The following GLRA3 variants were observed in gnomAD, a reference collection of about 807,000 sequenced individuals.
GLRA3 encodes the protein glycine receptor alpha 3.
GLRA3 carries 44 observed loss-of-function variants against 60.4 expected under a neutral mutation model. That is an observed-to-expected ratio of 0.73 (90% confidence interval 0.57 to 0.94). GLRA3 has a LOEUF of 0.94. GLRA3 is among the 40% of genes least tolerant of loss of function. The pLI is 0.00. For missense variants in GLRA3, 508 were observed against 564.6 expected, an observed-to-expected ratio of 0.90 and a Z score of 1.02; for synonymous variants, 223 against 192.9, an observed-to-expected ratio of 1.16 and a Z score of -1.29.
At chr4:174,810,259 G>A (rs1337421823) in intron 1 of GLRA3, among the ~76,000 whole-genome samples, 2 of 152,090 alleles carry the variant, frequency 1.3e-5, no homozygotes, top group Non-Finnish European at 1.5e-5. Context: ...GGAAACAAAA[G>A]ATGCTGGACT....
chr4:174,709,989 A>G (rs1735654367), intron 5 of GLRA3, among the ~76,000 whole-genome samples: 1 of 150,146 alleles, frequency 6.7e-6, no homozygotes, highest in South Asian at 2.1e-4. Flanking sequence ...TTTACCTTTA[A>G]TGAGTCTACC....
At chr4:174,757,898 G>T (rs1297793364) in intron 3 of GLRA3, among the ~76,000 whole-genome samples, 1 of 152,124 alleles carries the variant, frequency 6.6e-6, no homozygotes, top group East Asian at 1.9e-4. Flanking sequence ...GGAGATGTTT[G>T]GGTCACGGGG....
chr4:174,743,665 G>A (rs1737114666), intron 3 of GLRA3, among the ~76,000 whole-genome samples: 2 of 152,028 alleles, frequency 1.3e-5, no homozygotes, highest in Admixed American at 1.3e-4. Context: ...GATGATTCAT[G>A]GTAAAGATAT....
intron 9 of GLRA3, among the ~76,000 whole-genome samples, chr4:174,647,998 ATT>A: frequency 6.6e-6 from 1 of 152,278 alleles, no homozygotes; most frequent in Non-Finnish European, 1.5e-5. Context: ...TACATCTTTA[ATT>A]TAATTGACTA....
intron 5 of GLRA3, among the ~76,000 whole-genome samples, chr4:174,708,116 C>T (rs1307299728): frequency 6.6e-6 from 1 of 152,126 alleles, no homozygotes; most frequent in African/African-American, 2.4e-5. Context: ...ATCTGTATTT[C>T]TCACTAGGCA....
intron 3 of GLRA3, among the ~76,000 whole-genome samples, chr4:174,739,076 G>C (rs1283232765): frequency 6.6e-6 from 1 of 152,162 alleles, no homozygotes; most frequent in African/African-American, 2.4e-5. Context: ...TGTTTGTTTT[G>C]TATAAACCAC....
At chr4:174,820,472 C>T (rs1460036957) in intron 1 of GLRA3, among the ~76,000 whole-genome samples, 1 of 152,156 alleles carries the variant, frequency 6.6e-6, no homozygotes, top group African/African-American at 2.4e-5. Context: ...ATTTTGGTCC[C>T]TGCCCTCAAA....
At chr4:174,770,051 T>A (rs145461556) in intron 2 of GLRA3, among the ~76,000 whole-genome samples, 1 of 152,174 alleles carries the variant, frequency 6.6e-6, no homozygotes, top group Non-Finnish European at 1.5e-5. Flanking sequence ...GTCTAAAATA[T>A]CATTTGAAGT....
intron 1 of GLRA3, among the ~76,000 whole-genome samples, chr4:174,799,447 TG>T: frequency 6.6e-6 from 1 of 152,188 alleles, no homozygotes; most frequent in Non-Finnish European, 1.5e-5. Flanking sequence ...CATGTCCCTT[TG>T]GGGTGGCAAT....
At chr4:174,759,604 C>T (rs1329006247) in intron 3 of GLRA3, among the ~76,000 whole-genome samples, 2 of 152,040 alleles carry the variant, frequency 1.3e-5, no homozygotes, top group African/African-American at 4.8e-5. Flanking sequence ...CCCAAGAATA[C>T]TAATTAATAC....
At chr4:174,704,537 C>G (rs1485944) in intron 5 of GLRA3, among the ~76,000 whole-genome samples, 62,395 of 141,540 alleles carry the variant, frequency 0.44, 18,854 homozygotes, top group East Asian at 0.92. Context: ...AAAAATATGG[C>G]TGCTTTTTAA....
intron 1 of GLRA3, among the ~76,000 whole-genome samples, chr4:174,797,683 C>T (rs1039530025): frequency 2.0e-5 from 3 of 151,928 alleles, no homozygotes; most frequent in South Asian, 4.2e-4. Context: ...ACCTGTAATC[C>T]CAGCACCGGG....
chr4:174,802,720 A>G (rs1739866970), intron 1 of GLRA3, among the ~76,000 whole-genome samples: 1 of 152,102 alleles, frequency 6.6e-6, no homozygotes, highest in Non-Finnish European at 1.5e-5. Context: ...ATTATAGAAC[A>G]AAGATTTAGA....
At chr4:174,827,097 T>C (rs1006096491) in intron 1 of GLRA3, among the ~76,000 whole-genome samples, 4 of 151,986 alleles carry the variant, frequency 2.6e-5, no homozygotes, top group African/African-American at 9.7e-5. Context: ...TTGTATGTCT[T>C]TTCAAAGAAG....
chr4:174,654,312 A>G (rs114647709), intron 9 of GLRA3, among the ~76,000 whole-genome samples: 1,704 of 152,034 alleles, frequency 0.011, 43 homozygotes, highest in African/African-American at 0.039. Flanking sequence ...TATCCTTAGA[A>G]GCTATCATGA....
At chr4:174,792,060 C>G (rs868374287) in intron 1 of GLRA3, among the ~76,000 whole-genome samples, 8 of 152,150 alleles carry the variant, frequency 5.3e-5, no homozygotes, top group Admixed American at 1.3e-4. Context: ...AACACTATGT[C>G]AGGCAGTTGA....
At chr4:174,702,417 G>A (rs1449698668) in intron 5 of GLRA3, among the ~76,000 whole-genome samples, 1 of 152,126 alleles carries the variant, frequency 6.6e-6, no homozygotes, top group Non-Finnish European at 1.5e-5. Context: ...AAAAATTAAT[G>A]TAACTGCTTT....
At chr4:174,800,162 G>T (rs1739749991) in intron 1 of GLRA3, among the ~76,000 whole-genome samples, 1 of 151,912 alleles carries the variant, frequency 6.6e-6, no homozygotes, top group African/African-American at 2.4e-5. Flanking sequence ...TGTATAGAAG[G>T]CAGTATGGAA....
At chr4:174,798,690 C>T (rs199989350) in intron 1 of GLRA3, among the ~76,000 whole-genome samples, 2 of 152,118 alleles carry the variant, frequency 1.3e-5, no homozygotes, top group East Asian at 3.9e-4. Context: ...TTTGGGAGGC[C>T]AAGGCGGGCG....
Sources: gnomAD v4.1 joint callset for allele counts (sites outside exome capture counted in the v4.1 genomes callset) on GRCh38, gnomAD v4.1.1 for gene constraint, MANE v1.5 for transcripts, NCBI Gene and HGNC (gene_info 2026-07-23, HGNC 2026-07-21) for gene names.